The following EFHC2 variants were observed in gnomAD, a reference collection of about 807,000 sequenced individuals.
The protein encoded by EFHC2 is EF-hand domain containing 2, also known as EF-hand domain-containing family member C2.
In EFHC2, 18 loss-of-function variants were observed where a neutral mutation model predicts 52.7. The ratio of observed to expected loss-of-function variants is 0.34; its 90% CI spans 0.24 to 0.51. EFHC2 has a LOEUF of 0.51. Among genes scored for constraint, EFHC2 ranks in the 20% least tolerant of loss-of-function variants. The probability of loss-of-function intolerance (pLI) is 0.97; values close to 1 mark genes in which losing one functional copy is unlikely to be tolerated. For missense variants in EFHC2, 513 were observed against 562.5 expected (o/e 0.91, Z 0.89); for synonymous variants, 203 against 204.1 (o/e 0.99, Z 0.04).
chrX:44,286,148 C>A, intron 2 of EFHC2: 1 of 119,221 alleles, frequency 8.4e-6, no homozygotes, highest in South Asian at 2.8e-4. Context: ...AGGCCTGGCC[C>A]TGCATACTGT....
At chrX:44,269,553 C>A (rs183433820) in intron 3 of EFHC2, among the ~76,000 whole-genome samples, 1 of 110,745 alleles carries the variant, frequency 9.0e-6, no homozygotes, top group African/African-American at 3.3e-5. Context: ...ACCGTAAAAT[C>A]TGATTGTTAA....
At chrX:44,186,693 G>A (rs1219415837) in intron 11 of EFHC2, among the ~76,000 whole-genome samples, 3 of 111,508 alleles carry the variant, frequency 2.7e-5, no homozygotes, top group South Asian at 3.8e-4. Context: ...ATCACACAAC[G>A]GTTGAATACA....
chrX:44,150,887 T>G (rs1177818940), intron 14 of EFHC2, among the ~76,000 whole-genome samples: 1 of 110,953 alleles, frequency 9.0e-6, no homozygotes, highest in Non-Finnish European at 1.9e-5. Context: ...GCAGATGTAA[T>G]TAGGTAAATT....
intron 1 of EFHC2, among the ~76,000 whole-genome samples, 167 bp from the exon 2 acceptor site, chrX:44,312,923 A>C (rs1226686275): frequency 8.9e-6 from 1 of 111,981 alleles, no homozygotes; most frequent in Non-Finnish European, 1.9e-5. Context: ...GTTGTGTCAC[A>C]TTCTTAAATT....
intron 11 of EFHC2, among the ~76,000 whole-genome samples, chrX:44,187,135 GTATA>G (rs746801274): frequency 1.6e-5 from 1 of 61,755 alleles, no homozygotes; most frequent in East Asian, 5.6e-4. Context: ...AAACAAAATG[GTATA>G]TATATATATA....
chrX:44,330,511 T>TA (rs201424589), intron 1 of EFHC2, among the ~76,000 whole-genome samples: 4 of 109,046 alleles, frequency 3.7e-5, no homozygotes, highest in Admixed American at 9.8e-5. Context: ...AAGTTAACAG[T>TA]AAAAAAAACA....
At chrX:44,168,981 AC>A (rs1251515278) in intron 13 of EFHC2, among the ~76,000 whole-genome samples, 2 of 107,841 alleles carry the variant, frequency 1.9e-5, no homozygotes, top group African/African-American at 3.4e-5. Context: ...AAACAGCAAC[AC>A]AAAAAAAAAC....
intron 11 of EFHC2, among the ~76,000 whole-genome samples, chrX:44,196,911 T>G (rs5952554): frequency 0.19 from 20,984 of 111,650 alleles, 1,634 homozygotes; most frequent in Admixed American, 0.33. Context: ...AGTTTGATTC[T>G]AAATCATAAC....
At chrX:44,328,151 C>CT (rs1193928795) in intron 1 of EFHC2, among the ~76,000 whole-genome samples, 1 of 111,763 alleles carries the variant, frequency 8.9e-6, no homozygotes, top group Non-Finnish European at 1.9e-5. Flanking sequence ...TTCCTTCTCC[C>CT]TTGCAAGTCT....
Position 44,232,528 on chromosome X carries a change from T to C in EFHC2, c.1573A>G (p.Asn525Asp). ...NVNGYLFRLL[N>D]ADEYTLNYME... is the part of the protein sequence containing the mutation. ...TAGTTTAAGGTATACTCATCAGCAT[T>C]GAGCAAACGAAATAGGTAACCATTC... is the stretch of plus-strand genomic sequence containing the variant. The change falls in exon 10 of 15, where the codon AAT (asparagine) becomes GAT (aspartate). Residue 525 changes from asparagine (N) to aspartate (D), a missense_variant. Physicochemically the swap from Asn to Asp is conservative, Grantham distance 23. Coordinates refer to ENST00000420999, the MANE Select transcript of EFHC2 (RefSeq NM_025184.4). The C allele has an allele frequency of 8.5e-7, 1 of 1,180,691 alleles. No homozygotes were observed.
intron 11 of EFHC2, among the ~76,000 whole-genome samples, chrX:44,202,749 A>G (rs763155795): frequency 1.8e-5 from 2 of 110,618 alleles, no homozygotes; most frequent in East Asian, 5.8e-4. Flanking sequence ...ACCCACAAAC[A>G]TACCCCAGAA....
chrX:44,278,332 G>A (rs962234661), intron 2 of EFHC2, among the ~76,000 whole-genome samples: 1 of 112,082 alleles, frequency 8.9e-6, no homozygotes, highest in East Asian at 2.8e-4. Flanking sequence ...CCAAGATTAC[G>A]CCACTGCACT....
intron 2 of EFHC2, among the ~76,000 whole-genome samples, chrX:44,290,884 T>A (rs1027613504): frequency 3.6e-5 from 4 of 111,386 alleles, no homozygotes; most frequent in African/African-American, 1.3e-4. Context: ...CTAGTGACAC[T>A]CTTAAGCCAT....
At chrX:44,213,793 A>G (rs974873916) in intron 11 of EFHC2, among the ~76,000 whole-genome samples, 29 of 111,785 alleles carry the variant, frequency 2.6e-4, no homozygotes, top group African/African-American at 9.1e-4. Context: ...AAGAGGGTAT[A>G]ATGAAGTATG....
chrX:44,297,516 G>C (rs2037834326), intron 2 of EFHC2, among the ~76,000 whole-genome samples: 1 of 109,535 alleles, frequency 9.1e-6, no homozygotes, highest in African/African-American at 3.3e-5. Context: ...ACGAAGTCAG[G>C]AGTTCCAGAC....
chrX:44,219,215 G>A (rs1424884946), intron 11 of EFHC2, among the ~76,000 whole-genome samples: 1 of 107,803 alleles, frequency 9.3e-6, no homozygotes, highest in Non-Finnish European at 1.9e-5. Flanking sequence ...TTGAATGGCA[G>A]ATGTGCACAG....
At chrX:44,236,017 AC>A (rs1429111079) in intron 8 of EFHC2, among the ~76,000 whole-genome samples, 1 of 98,404 alleles carries the variant, frequency 1.0e-5, no homozygotes, top group African/African-American at 4.0e-5. Context: ...TGATAGACCC[AC>A]CTTTTTTTTT....
chrX:44,249,368 CAT>C (rs935646732), intron 5 of EFHC2, among the ~76,000 whole-genome samples: 3 of 111,417 alleles, frequency 2.7e-5, no homozygotes, highest in African/African-American at 9.8e-5. Context: ...GAAAATATAA[CAT>C]AGAGCTTTTG....
intron 1 of EFHC2, among the ~76,000 whole-genome samples, chrX:44,318,956 C>T (rs2037999516): frequency 9.2e-6 from 1 of 108,804 alleles, no homozygotes; most frequent in African/African-American, 3.4e-5. Flanking sequence ...GATCCACTAA[C>T]AGTGGGCAGG....
Sources: allele counts gnomAD v4.1 joint callset (sites outside exome capture counted in the v4.1 genomes callset), GRCh38; gene constraint gnomAD v4.1.1; transcripts MANE v1.5; gene names NCBI Gene and HGNC (gene_info 2026-07-23, HGNC 2026-07-21).